The following KSR2 variants were observed in gnomAD, a reference collection of about 807,000 sequenced individuals.
The protein encoded by KSR2 is kinase suppressor of ras 2.
KSR2 carries 25 observed loss-of-function variants against 107.8 expected under a neutral mutation model. That is an observed-to-expected ratio of 0.23 (90% CI 0.17 to 0.32). KSR2 has a LOEUF of 0.32. KSR2 is among the 10% of genes least tolerant of loss of function. The probability of loss-of-function intolerance (pLI) is 1.00; values close to 1 mark genes in which losing one functional copy is unlikely to be tolerated. For synonymous variants in KSR2, 480 were observed against 507.0 expected (o/e 0.95, Z 0.71); for missense variants, 887 against 1,268.9 (o/e 0.70, Z 4.57).
chr12:117,943,254 C>T (rs1429846720), intron 1 of KSR2, among the ~76,000 whole-genome samples: 1 of 152,062 alleles, frequency 6.6e-6, no homozygotes, highest in South Asian at 2.1e-4. Flanking sequence ...TTTCTCAAAA[C>T]GACTATTTTC....
chr12:117,782,740 A>G (rs886547892), intron 3 of KSR2, among the ~76,000 whole-genome samples: 11 of 152,144 alleles, frequency 7.2e-5, no homozygotes, highest in African/African-American at 2.7e-4. Flanking sequence ...CAAACCTCCT[A>G]AGTGAAAAAG....
intron 5 of KSR2, among the ~76,000 whole-genome samples, chr12:117,660,362 T>C (rs904970183): frequency 1.3e-5 from 2 of 152,348 alleles, no homozygotes; most frequent in East Asian, 1.9e-4. Flanking sequence ...CTGGAGGCTC[T>C]GAGGAGAGCA....
intron 1 of KSR2, among the ~76,000 whole-genome samples, chr12:117,869,536 C>G (rs1009765418): frequency 1.3e-5 from 2 of 152,212 alleles, no homozygotes; most frequent in Admixed American, 1.3e-4. Flanking sequence ...TTCACAAATA[C>G]ATACAGATCT....
intron 5 of KSR2, among the ~76,000 whole-genome samples, chr12:117,627,828 T>A (rs1197901002): frequency 2.0e-5 from 3 of 152,252 alleles, no homozygotes; most frequent in Non-Finnish European, 4.4e-5. Context: ...TGCATCACTC[T>A]CAGGTACACC....
At position 117,461,424 on chromosome 12, in the gene KSR2, CCT is replaced by C. The variant is rs1178388013; in HGVS notation, c.*5773_*5774del. 1.3e-5 allele frequency: 2 copies of C among 152,254 alleles called. No homozygotes were observed. The highest frequency in any genetic ancestry group is 1.9e-4 in the East Asian group (1 of 5,186). 9.4% of individuals were successfully genotyped at this position (152,254 alleles called of 1,614,324 possible). On this transcript the variant is annotated 3_prime_UTR_variant, in exon 20 of 20. Transcript: ENST00000339824. ...CAGGGTCTTACTCTTACCCAGCAAA[CCT>C]CTCTGTCTGCATTCTGTAAACATTT...
rs868398941 is a variant in KSR2, at chr12:117,581,391, A to T, written c.1241+899T>A. On this transcript the variant is annotated intron_variant, in intron 6 of 19. Coordinates refer to ENST00000339824, the MANE Select transcript of KSR2 (RefSeq NM_173598.6). Reference sequence around the variant, plus strand: ...TGCAACCATGGCACAGAAACTCTGGAAATATAAGAGGAAAGAATCCATGAA... The same window carrying T: ...TGCAACCATGGCACAGAAACTCTGGTAATATAAGAGGAAAGAATCCATGAA... Among the ~76,000 whole-genome samples the T allele has an allele frequency of 3.3e-4, 51 of 152,308 alleles. 1 individual carries two copies. The highest frequency in any genetic ancestry group is 1.1e-3 in the African/African-American group (45 of 41,556).
chr12:117,564,309 T>C (rs1878318643), intron 7 of KSR2, among the ~76,000 whole-genome samples: 2 of 152,174 alleles, frequency 1.3e-5, no homozygotes, highest in Non-Finnish European at 2.9e-5. Context: ...GTTTGCACTT[T>C]GCAATCAAGC....
Position 117,582,367 on chromosome 12 carries a change from G to T in KSR2, c.1172-8C>A. ...GTGGCACTGACAGTGTGTCTACAGA[G>T]AGAAGAGAACAGCCTGTTACACAGA... is the stretch of plus-strand genomic sequence containing the variant. On this transcript the variant is annotated splice_polypyrimidine_tract_variant and splice_region_variant and intron_variant, in intron 5 of 19. Coordinates refer to ENST00000339824, the MANE Select transcript of KSR2 (RefSeq NM_173598.6). The T allele has an allele frequency of 6.2e-7, 1 of 1,612,002 alleles. No individual in the cohort carries two copies. The highest frequency in any genetic ancestry group is 8.5e-7 in the Non-Finnish European group (1 of 1,178,328).
At chr12:117,692,515 C>CAT (rs1464292054) in intron 4 of KSR2, among the ~76,000 whole-genome samples, 5 of 114,114 alleles carry the variant, frequency 4.4e-5, no homozygotes, top group Non-Finnish European at 5.8e-5. Context: ...TACACACACA[C>CAT]ATATATATAC....
intron 3 of KSR2, among the ~76,000 whole-genome samples, chr12:117,771,324 GA>G (rs1889443263): frequency 6.6e-6 from 1 of 152,088 alleles, no homozygotes. Flanking sequence ...CTGTGACCTG[GA>G]AGCCCCCTCC....
At chr12:117,871,930 T>G (rs560259574) in intron 1 of KSR2, among the ~76,000 whole-genome samples, 21 of 152,284 alleles carry the variant, frequency 1.4e-4, no homozygotes, top group African/African-American at 3.4e-4. Context: ...TAGCTGCAAT[T>G]ACAGGCACAA....
At chr12:117,723,432 A>T (rs892268016) in intron 4 of KSR2, among the ~76,000 whole-genome samples, 1 of 152,188 alleles carries the variant, frequency 6.6e-6, no homozygotes, top group Admixed American at 6.5e-5. Context: ...AGAGGTAGAT[A>T]TTATCAACTC....
chr12:117,960,814 T>C (rs2393329), intron 1 of KSR2, among the ~76,000 whole-genome samples: 22,577 of 142,860 alleles, frequency 0.16, 1,786 homozygotes, highest in South Asian at 0.26. Flanking sequence ...TTTTTTTTTT[T>C]CTTGAGACAG....
chr12:117,535,801 C>T (rs975375224), intron 10 of KSR2, among the ~76,000 whole-genome samples: 1 of 152,192 alleles, frequency 6.6e-6, no homozygotes, highest in African/African-American at 2.4e-5. Flanking sequence ...CACAACTCTG[C>T]TCATCAGTAG....
intron 4 of KSR2, among the ~76,000 whole-genome samples, chr12:117,672,824 T>G (rs1593116013): frequency 6.6e-6 from 1 of 152,150 alleles, no homozygotes; most frequent in African/African-American, 2.4e-5. Context: ...GGGGTTTCAC[T>G]ATGTTGGCCA....
intron 3 of KSR2, among the ~76,000 whole-genome samples, chr12:117,777,105 T>TAC (rs1262762919): frequency 7.2e-6 from 1 of 138,060 alleles, no homozygotes; most frequent in South Asian, 2.2e-4. Context: ...TATATATATA[T>TAC]ATACACACAC....
At chr12:117,936,535 A>G (rs1895853472) in intron 1 of KSR2, among the ~76,000 whole-genome samples, 2 of 89,376 alleles carry the variant, frequency 2.2e-5, no homozygotes, top group Admixed American at 2.1e-4. Context: ...TATTATTATT[A>G]GTAGTAGTAG....
chr12:117,687,610 CT>C (rs1173769606), intron 4 of KSR2, among the ~76,000 whole-genome samples: 1 of 152,152 alleles, frequency 6.6e-6, no homozygotes, highest in Non-Finnish European at 1.5e-5. Context: ...ATAGCCTGTA[CT>C]GCTGTCTTGC....
chr12:117,646,609 G>C (rs952976772), intron 5 of KSR2, among the ~76,000 whole-genome samples: 1 of 152,112 alleles, frequency 6.6e-6, no homozygotes, highest in African/African-American at 2.4e-5. Flanking sequence ...GGCCAAGGCA[G>C]GCCAATTAAC....
Sources: allele counts gnomAD v4.1 joint callset (sites outside exome capture counted in the v4.1 genomes callset), GRCh38; gene constraint gnomAD v4.1.1; transcripts MANE v1.5; gene names NCBI Gene and HGNC (gene_info 2026-07-23, HGNC 2026-07-21).